MYBPC3: variants seen among roughly 807,000 people sequenced by gnomAD.
MYBPC3 encodes myosin binding protein C3, also known as myosin-binding protein C, cardiac-type.
In MYBPC3, 108 loss-of-function variants were observed where a neutral mutation model predicts 159.3. The observed-to-expected ratio is 0.68, with a 90% confidence interval of 0.58 to 0.80. The LOEUF (loss-of-function observed/expected upper bound fraction) is 0.80, where lower values mean the gene tolerates loss of function less well. Among genes scored for constraint, MYBPC3 ranks in the 30% least tolerant of loss-of-function variants. The pLI is 0.00. For synonymous variants in MYBPC3, 730 were observed against 702.0 expected (o/e 1.04, Z -0.63); for missense variants, 1,631 against 1,762.1 (o/e 0.93, Z 1.33).
chr11:47,343,770 CTTTT>C, intron 12 of MYBPC3, 146 bp from the exon 13 acceptor site: 1 of 836,728 alleles, frequency 1.2e-6, no homozygotes, highest in East Asian at 2.9e-5. Context: ...GTCTCTATTT[CTTTT>C]TGTTTTGTTT....
rs774348756 is a variant in MYBPC3 at position 47,341,226 on chromosome 11, A to C, written c.1809T>G (p.Ile603Met). The C allele has an allele frequency of 5.0e-6, 8 of 1,592,190 alleles. No homozygotes were observed. Among genetic ancestry groups the C allele is most frequent in the Non-Finnish European group, 6.8e-6 (8 of 1,169,562 alleles). The change falls in exon 19 of 35, where the codon ATT becomes ATG. Residue 603 changes from isoleucine to methionine, a missense_variant. Transcript: ENST00000545968. ...SHIGRVHKLT[I>M]DDVTPADEAD... ...CCTCGTCGGCAGGTGTGACGTCGTCAATGGTCAGTTTGTGGACCCTGCAGG... is the reference window on the plus strand; with the variant it reads ...CCTCGTCGGCAGGTGTGACGTCGTCCATGGTCAGTTTGTGGACCCTGCAGG...
At chr11:47,348,337 G>T in intron 6 of MYBPC3, 87 bp downstream of exon 6, 3 of 990,328 alleles carry the variant, frequency 3.0e-6, no homozygotes, top group Non-Finnish European at 3.1e-6. Flanking sequence ...ATGGGACGAG[G>T]CATCCTCCTT....
Position 47,331,561 on chromosome 11 carries a change from T to C in MYBPC3, c.*182A>G, listed in dbSNP as rs2142845546. On this transcript the variant is annotated 3_prime_UTR_variant, in exon 35 of 35. Coordinates refer to ENST00000545968, the MANE Select transcript of MYBPC3 (RefSeq NM_000256.3). ...TTCCTTCAGGAGCCCTGTGGACCAG[T>C]CTGTGCAACACCCACTCAGGACTGC... 2.7e-6 allele frequency: 1 copy of C among 373,968 alleles called. No individual in the cohort carries two copies. 23.2% of individuals were successfully genotyped at this position (373,968 alleles called of 1,614,324 possible). A position where few individuals can be genotyped will look rare whatever the true frequency, so the allele number is the denominator to read the frequency against.
intron 20 of MYBPC3, among the ~76,000 whole-genome samples, chr11:47,340,640 G>A (rs1278688584): frequency 6.6e-6 from 1 of 152,080 alleles, no homozygotes; most frequent in African/African-American, 2.4e-5. Context: ...TCTCTCCAGC[G>A]TGGGCGACAG....
At position 47,332,571 on chromosome 11, in the gene MYBPC3, G is replaced by A. The variant is rs2142849872; in HGVS notation, c.3622C>T (p.Pro1208Ser). ...CAGCGCCTAAAGTTCCCTACCTTGG[G>A]GCTACCCCGGACAGCACAGCAGAGC... ...AMLCCAVRGS[P>S]KPKISWFKNG... Residue 1208 changes from proline to serine, a missense_variant, in exon 32 of 35, where the codon CCC (proline) becomes TCC (serine). By Grantham distance (74) the Pro-to-Ser change is moderately conservative (BLOSUM62 -1). Coordinates refer to ENST00000545968, the MANE Select transcript of MYBPC3 (RefSeq NM_000256.3). The surrounding 1 kb of genome is among the most constrained non-coding windows in gnomAD (Gnocchi z 4.2). 1 of 1,606,838 alleles carries A rather than the reference G, an allele frequency of 6.2e-7. No homozygotes were observed. The highest frequency in any genetic ancestry group is 8.5e-7 in the Non-Finnish European group (1 of 1,174,624).
rs1423764034 is a variant in MYBPC3 at position 47,349,931 on chromosome 11, G to A, written c.506-9C>T. 1.3e-6 allele frequency: 2 copies of A among 1,534,848 alleles called. No individual in the cohort carries two copies. The highest frequency in any genetic ancestry group is 1.8e-6 in the Non-Finnish European group (2 of 1,136,462). On this transcript the variant is annotated splice_polypyrimidine_tract_variant and intron_variant, in intron 4 of 34. Transcript: ENST00000545968. ...GAAGGTGATGCTGCCACCTGCAAAG[G>A]CAGGGGCGACAGGCCCGGCTTGGGG...
chr11:47,350,358 C>G (rs912668888), intron 3 of MYBPC3, 144 bp downstream of exon 3: 1 of 1,380,818 alleles, frequency 7.2e-7, no homozygotes, highest in Non-Finnish European at 9.8e-7. Flanking sequence ...ATCTCCTGAC[C>G]TCATGATCCG....
chr11:47,352,588 C>A (rs2095901919), intron 1 of MYBPC3, 35 bp downstream of exon 1: 1 of 1,602,526 alleles, frequency 6.2e-7, no homozygotes, highest in South Asian at 1.1e-5. Flanking sequence ...CCCCCCTGCT[C>A]CCACACTTAG....
At chr11:47,333,484 C>A (rs1458419698) in intron 29 of MYBPC3, 73 bp downstream of exon 29, 1 of 1,574,582 alleles carries the variant, frequency 6.4e-7, no homozygotes, top group African/African-American at 1.3e-5. Flanking sequence ...GGTCCCCTGG[C>A]CCCACCCTTG....
In MYBPC3 at chr11:47,332,562, C is replaced by G; in HGVS notation, c.3627+4G>C. The G allele has an allele frequency of 6.2e-7, 1 of 1,603,684 alleles. No homozygotes were observed. Among genetic ancestry groups the G allele is most frequent in the Non-Finnish European group, 8.5e-7 (1 of 1,172,308 alleles). On this transcript the variant is annotated splice_donor_region_variant and intron_variant, in intron 32 of 34. Transcript: ENST00000545968. This position sits in a 1 kb window ranked among gnomAD's most constrained non-coding sequence, Gnocchi z 4.2. ...GGCCTGGACCAGCGCCTAAAGTTCC[C>G]TACCTTGGGGCTACCCCGGACAGCA...
At chr11:47,339,240 G>A in intron 22 of MYBPC3, 84 bp downstream of exon 22, 1 of 1,473,316 alleles carries the variant, frequency 6.8e-7, no homozygotes, top group Admixed American at 1.7e-5. Flanking sequence ...CACCTCCATG[G>A]AGACCTCGCC....
At position 47,333,270 on chromosome 11, in the gene MYBPC3, T is replaced by C; in HGVS notation, c.3254A>G (p.Glu1085Gly). The change falls in exon 30 of 35, where the codon GAG becomes GGG. Residue 1085 changes from glutamate to glycine, a missense_variant. Transcript: ENST00000545968. ...GCCGACATCCTGGGGTGGCTTCCACTCCAGAGCCACATTAAGACCCCAGGC... is the reference window on the plus strand; with the variant it reads ...GCCGACATCCTGGGGTGGCTTCCACCCCAGAGCCACATTAAGACCCCAGGC... Reference protein sequence around the residue: ...TDAWGLNVALEWKPPQDVGNT... With the variant: ...TDAWGLNVALGWKPPQDVGNT... 6.3e-7 allele frequency: 1 copy of C among 1,589,338 alleles called. No homozygotes were observed. Among genetic ancestry groups the C allele is most frequent in the Non-Finnish European group, 8.6e-7 (1 of 1,167,524 alleles).
Position 47,348,510 on chromosome 11 carries a change from G to T in MYBPC3, c.686C>A (p.Ala229Asp). Residue 229 changes from alanine to aspartate, a missense_variant, in exon 6 of 35, where the codon GCC (alanine) becomes GAC (aspartate). By Grantham distance (126) the Ala-to-Asp change is moderately radical (BLOSUM62 -2). Coordinates refer to ENST00000545968, the MANE Select transcript of MYBPC3 (RefSeq NM_000256.3). Reference protein sequence around the residue: ...VYLFELHITDAQPAFTGSYRC... With the variant: ...VYLFELHITDDQPAFTGSYRC... ...GTAGCTGCCAGTGAAGGCAGGCTGG[G>T]CATCGGTGATGTGCAGCTCGAACAG... 1 of 1,613,350 alleles carries T rather than the reference G, an allele frequency of 6.2e-7. No homozygotes were observed. Among genetic ancestry groups the T allele is most frequent in the Non-Finnish European group, 8.5e-7 (1 of 1,179,622 alleles).
intron 5 of MYBPC3, 81 bp from the exon 6 acceptor site, chr11:47,348,622 G>A: frequency 2.6e-6 from 3 of 1,147,806 alleles, no homozygotes; most frequent in Non-Finnish European, 3.7e-6. Context: ...GAGACTGGGA[G>A]TGGCCGGGCG....
chr11:47,332,330 C>T lies in MYBPC3; in HGVS notation c.3628-72G>A. The T allele has an allele frequency of 1.6e-5, 24 of 1,546,586 alleles. No homozygotes were observed. The highest frequency in any genetic ancestry group is 2.0e-5 in the Non-Finnish European group (22 of 1,121,172). On this transcript the variant is annotated intron_variant, in intron 32 of 34. Transcript: ENST00000545968. The surrounding 1 kb of genome is among the most constrained non-coding windows in gnomAD (Gnocchi z 4.2). Reference sequence around the variant, plus strand: ...GGGACCTGGCAGGGACCCAGGGAGACACATCTGTGTTTCTACTCGGGGGGT... The same window carrying T: ...GGGACCTGGCAGGGACCCAGGGAGATACATCTGTGTTTCTACTCGGGGGGT...
intron 6 of MYBPC3, 56 bp downstream of exon 6, chr11:47,348,368 G>A (rs1320208731): frequency 7.7e-7 from 1 of 1,301,580 alleles, no homozygotes; most frequent in African/African-American, 1.5e-5. Context: ...AAAGGAGGTA[G>A]GAGACCAGGA....
rs774501793 is a variant in MYBPC3 at position 47,331,862 on chromosome 11, C to A, written c.*9G>T. 6.2e-7 allele frequency: 1 copy of A among 1,609,164 alleles called. No homozygotes were observed. ...GTACATACCTGGCCATCCCCAGGAG[C>A]CAGCCTGGTCACTGAGGCACTGCAG... On this transcript the variant is annotated 3_prime_UTR_variant, in exon 34 of 35. Coordinates refer to ENST00000545968, the MANE Select transcript of MYBPC3 (RefSeq NM_000256.3).
At chr11:47,348,382 A>G (rs772018375) in intron 6 of MYBPC3, 42 bp downstream of exon 6, 13 of 1,453,268 alleles carry the variant, frequency 8.9e-6, no homozygotes, top group Non-Finnish European at 1.2e-5. Context: ...ACCAGGACCC[A>G]TGGGGAGCCC....
chr11:47,346,226 G>T lies in MYBPC3; in HGVS notation c.1071C>A (p.Arg357=), dbSNP rs371308153. Residue 357 remains arginine (R), a synonymous_variant, in exon 12 of 35, where the codon CGC becomes CGA. Coordinates refer to ENST00000545968, the MANE Select transcript of MYBPC3 (RefSeq NM_000256.3). The surrounding 1 kb of genome is among the most constrained non-coding windows in gnomAD (Gnocchi z 5.3). ...GCTAACCTGTGCTCTTCTTCTCATC[G>T]CGCCTCATGCCCTTGAGCCTCTTTA... is the stretch of plus-strand genomic sequence containing the variant. ...GMLKRLKGMR[R]DEKKSTAFQK... 1 of 1,613,740 alleles carries T rather than the reference G, an allele frequency of 6.2e-7. No homozygotes were observed.
Sources: gnomAD v4.1 joint callset for allele counts (sites outside exome capture counted in the v4.1 genomes callset) on GRCh38, gnomAD v4.1.1 for gene constraint, Gnocchi (gnomAD v3.1) non-coding constraint, MANE v1.5 for transcripts, NCBI Gene and HGNC (gene_info 2026-07-23, HGNC 2026-07-21) for gene names.